The following PNKP variants were observed in gnomAD, a reference collection of about 807,000 sequenced individuals.
The protein encoded by PNKP is polynucleotide kinase 3'-phosphatase.
Under a neutral mutation model 66.2 loss-of-function variants are expected in PNKP, and 82 were observed. The observed-to-expected ratio is 1.24, with a 90% CI of 1.04 to 1.49. The LOEUF is 1.49. Ranked by LOEUF, PNKP falls within the 40% of genes most tolerant of loss-of-function variation. The probability of loss-of-function intolerance (pLI) is 0.00; values close to 1 mark genes in which losing one functional copy is unlikely to be tolerated. For missense variants in PNKP, 907 were observed against 706.8 expected (o/e 1.28, Z -3.21); for synonymous variants, 412 against 298.9 (o/e 1.38, Z -3.90).
At chr19:49,866,069 G>C (rs2074817496) in intron 3 of PNKP, 1 of 412,420 alleles carries the variant, frequency 2.4e-6, no homozygotes, top group Non-Finnish European at 4.6e-6. Flanking sequence ...CTGAAGTACA[G>C]TGTGGTGATC....
At chr19:49,861,934 C>A in intron 13 of PNKP, 53 bp from the exon 14 acceptor site, 1 of 1,580,942 alleles carries the variant, frequency 6.3e-7, no homozygotes, top group Non-Finnish European at 8.6e-7. Context: ...GGAGAGAAGA[C>A]CCCGAGCGGG....
chr19:49,863,062 C>G (rs772227232), intron 8 of PNKP, among the ~76,000 whole-genome samples: 1 of 152,178 alleles, frequency 6.6e-6, no homozygotes, highest in African/African-American at 2.4e-5. Flanking sequence ...AGGGCAAAAG[C>G]GGGGCCCTCC....
chr19:49,861,985 T>G, intron 13 of PNKP, 59 bp downstream of exon 13: 2 of 1,598,196 alleles, frequency 1.3e-6, no homozygotes, highest in Non-Finnish European at 1.7e-6. Context: ...CCCAAACCAG[T>G]TGAGAGGTGG....
Position 49,861,298 on chromosome 19 carries a change from A to G in PNKP, c.1516T>C (p.Trp506Arg), listed in dbSNP as rs2074753341. 6.2e-7 allele frequency: 1 copy of G among 1,614,036 alleles called. No individual in the cohort carries two copies. Among genetic ancestry groups the G allele is most frequent in the Non-Finnish European group, 8.5e-7 (1 of 1,179,970 alleles). ...AGCCGCCCCAGCCTCGGCTCCACCCATAGCCGGAACGGGATCTCCAGGATG... is the reference window on the plus strand; with the variant it reads ...AGCCGCCCCAGCCTCGGCTCCACCCGTAGCCGGAACGGGATCTCCAGGATG... Reference protein sequence around the residue: ...SAILEIPFRLWVEPRLGRLYC... With the variant: ...SAILEIPFRLRVEPRLGRLYC... The change falls in exon 17 of 17, where the codon TGG (tryptophan) becomes CGG (arginine). Residue 506 changes from tryptophan to arginine, a missense_variant. Transcript: ENST00000322344.
At chr19:49,863,886 C>T (rs956961213) in intron 7 of PNKP, 78 bp downstream of exon 7, 99 of 1,398,768 alleles carry the variant, frequency 7.1e-5, no homozygotes, top group African/African-American at 3.1e-4. Context: ...GCCTCCGCCC[C>T]GCTTACCCTG....
intron 2 of PNKP, 173 bp downstream of exon 2, chr19:49,866,881 T>G: frequency 1.4e-6 from 1 of 723,936 alleles, no homozygotes; most frequent in Non-Finnish European, 2.5e-6. Context: ...CCCCAAAGGA[T>G]CTAGCTAATT....
chr19:49,866,147 C>A, intron 3 of PNKP: 1 of 526,870 alleles, frequency 1.9e-6, no homozygotes, highest in Non-Finnish European at 3.5e-6. Context: ...CGATTAGGAA[C>A]TACAAGGACG....
rs1568659017 is a variant in PNKP, at chr19:49,861,776, CGCGGCTCGCGGCGTCTGG to C, written c.1276_1293del (p.Pro426_Arg431del). The C allele has an allele frequency of 1.9e-6, 3 of 1,561,480 alleles. No homozygotes were observed. The highest frequency in any genetic ancestry group is 2.6e-6 in the Non-Finnish European group (3 of 1,155,596). On this transcript the variant is annotated inframe_deletion, in exon 14 of 17. Transcript: ENST00000322344. ...ACGGCCCCGCGGTCACGCTACCTGG[CGCGGCTCGCGGCGTCTGG>C]GTTTGTGTTGTCGATGGCGACCCGT...
rs759654539 is a variant in PNKP at position 49,864,307 on chromosome 19, G to C, written c.578+17C>G. Reference sequence around the variant, plus strand: ...GACTCCAGGCCTCACTCACTCCCTTGTTTTGCCTCTTATCACCTCCAGTCA... The same window carrying C: ...GACTCCAGGCCTCACTCACTCCCTTCTTTTGCCTCTTATCACCTCCAGTCA... On this transcript the variant is annotated intron_variant, in intron 5 of 16. Coordinates refer to ENST00000322344, the MANE Select transcript of PNKP (RefSeq NM_007254.4). 5.0e-6 allele frequency: 8 copies of C among 1,612,684 alleles called. No individual in the cohort carries two copies. Among genetic ancestry groups the C allele is most frequent in the South Asian group, 3.3e-5 (3 of 91,050 alleles).
At chr19:49,865,597 G>T in intron 3 of PNKP, 171 bp from the exon 4 acceptor site, 27 of 513,360 alleles carry the variant, frequency 5.3e-5, no homozygotes, top group Non-Finnish European at 5.8e-5. Flanking sequence ...AGCCTTGTCC[G>T]AATCTTTTTT....
intron 4 of PNKP, 64 bp downstream of exon 4, chr19:49,865,063 G>C (rs1420195709): frequency 7.1e-7 from 1 of 1,416,932 alleles, no homozygotes; most frequent in Non-Finnish European, 9.9e-7. Flanking sequence ...TTGAGAGCAC[G>C]CAACAAACGT....
chr19:49,863,661 G>T, intron 8 of PNKP, 28 bp downstream of exon 8: 4 of 1,531,684 alleles, frequency 2.6e-6, no homozygotes, highest in Non-Finnish European at 1.8e-6. Flanking sequence ...AGGAAAAGGA[G>T]GGGGGCCGGG....
At chr19:49,862,328 G>C (rs764828589) in intron 11 of PNKP, 43 bp downstream of exon 11, 1 of 1,529,836 alleles carries the variant, frequency 6.5e-7, no homozygotes, top group Non-Finnish European at 8.8e-7. Context: ...CCATCCCCGG[G>C]AGCCCTCCCA....
At position 49,861,297 on chromosome 19, in the gene PNKP, C is replaced by T. The variant is rs778043139; in HGVS notation, c.1517G>A (p.Trp506Ter). The T allele has an allele frequency of 3.1e-6, 5 of 1,613,946 alleles. No homozygotes were observed. The African/African-American group carries it at 5.3e-5, about 17-fold the overall frequency. ...SAILEIPFRLWVEPRLGRLYC... is the reference protein window; with the variant it reads ...SAILEIPFRL ...CAGCCGCCCCAGCCTCGGCTCCACC[C>T]ATAGCCGGAACGGGATCTCCAGGAT... is the stretch of plus-strand genomic sequence containing the variant. Residue 506 changes from tryptophan to a stop codon, truncating the protein, a stop_gained, in exon 17 of 17, where the codon TGG (tryptophan) becomes TAG (stop). Transcript: ENST00000322344. LOFTEE classifies it high-confidence loss of function.
chr19:49,865,690 T>C (rs1372176264), intron 3 of PNKP: 1 of 489,304 alleles, frequency 2.0e-6, no homozygotes, highest in Non-Finnish European at 3.6e-6. Context: ...CTTGGCTCAT[T>C]GAAACCTGTG....
chr19:49,862,458 G>A lies in PNKP; in HGVS notation c.942C>T (p.Ala314=), dbSNP rs1268054245. 1.9e-6 allele frequency: 3 copies of A among 1,590,924 alleles called. No homozygotes were observed. Among genetic ancestry groups the A allele is most frequent in the African/African-American group, 1.3e-5 (1 of 74,506 alleles). Residue 314 remains alanine (A), a synonymous_variant, in exon 11 of 17, where the codon GCC becomes GCT. Transcript: ENST00000322344. ...KDFSCADRLF[A]LNLGLPFATP... is the part of the protein sequence containing the mutation. ...TGGCGAAGGGCAGGCCAAGGTTGAG[G>A]GCAAACTAGGGGTTGAGGACGAACA...
chr19:49,866,130 A>G, intron 3 of PNKP: 2 of 495,148 alleles, frequency 4.0e-6, no homozygotes, highest in South Asian at 3.9e-5. Flanking sequence ...CTCCCGCTTC[A>G]GCCTCCCGAT....
At chr19:49,862,886 C>T (rs1204447182) in intron 8 of PNKP, 148 bp from the exon 9 acceptor site, 4 of 847,066 alleles carry the variant, frequency 4.7e-6, no homozygotes, top group East Asian at 2.6e-5. Flanking sequence ...CACTTTGCAC[C>T]GTGCTCCTGG....
Position 49,861,768 on chromosome 19 carries a change from C to CTACCTGGCGCGGCT in PNKP, c.1288_1298+3dup. On this transcript the variant is annotated splice_donor_region_variant and intron_variant, in intron 14 of 16. Coordinates refer to ENST00000322344, the MANE Select transcript of PNKP (RefSeq NM_007254.4). ...GGCCACCTACGGCCCCGCGGTCACG[C>CTACCTGGCGCGGCT]TACCTGGCGCGGCTCGCGGCGTCTG... is the stretch of plus-strand genomic sequence containing the variant. The CTACCTGGCGCGGCT allele has an allele frequency of 6.4e-7, 1 of 1,568,206 alleles. No homozygotes were observed. Among genetic ancestry groups the CTACCTGGCGCGGCT allele is most frequent in the Non-Finnish European group, 8.6e-7 (1 of 1,157,370 alleles).
Sources: allele counts gnomAD v4.1 joint callset (sites outside exome capture counted in the v4.1 genomes callset), GRCh38; gene constraint gnomAD v4.1.1; transcripts MANE v1.5; gene names NCBI Gene and HGNC (gene_info 2026-07-23, HGNC 2026-07-21).